TMEM132B: variants seen among roughly 807,000 people sequenced by gnomAD.
TMEM132B encodes transmembrane protein 132B.
Under a neutral mutation model 90.8 loss-of-function variants are expected in TMEM132B, and 18 were observed. The ratio of observed to expected loss-of-function variants is 0.20; its 90% CI spans 0.14 to 0.29. TMEM132B has a LOEUF of 0.29. TMEM132B is among the 10% of genes least tolerant of loss of function. The pLI is 1.00. For synonymous variants in TMEM132B, 504 were observed against 523.3 expected, an observed-to-expected ratio of 0.96 and a Z score of 0.50; for missense variants, 1,096 against 1,326.8, an observed-to-expected ratio of 0.83 and a Z score of 2.70.
chr12:125,499,263 T>C (rs1196167867), intron 3 of TMEM132B, among the ~76,000 whole-genome samples: 1 of 152,214 alleles, frequency 6.6e-6, no homozygotes, highest in Non-Finnish European at 1.5e-5. Context: ...GTTGACCAAA[T>C]TTAGTATTTC....
intron 1 of TMEM132B, among the ~76,000 whole-genome samples, chr12:125,188,262 G>T (rs867610281): frequency 1.8e-4 from 27 of 152,194 alleles, no homozygotes; most frequent in African/African-American, 5.6e-4. Context: ...GCTTGGCTAA[G>T]GAGCAGCTAT....
At chr12:125,534,800 G>A (rs1189820275) in intron 4 of TMEM132B, among the ~76,000 whole-genome samples, 1 of 152,062 alleles carries the variant, frequency 6.6e-6, no homozygotes, top group Non-Finnish European at 1.5e-5. Context: ...TTTAGAACCT[G>A]AAGCTATCCA....
At chr12:125,264,444 G>T (rs1170934489) in intron 1 of TMEM132B, among the ~76,000 whole-genome samples, 1 of 152,224 alleles carries the variant, frequency 6.6e-6, no homozygotes, top group Non-Finnish European at 1.5e-5. Context: ...GAAAAGGTAG[G>T]GTGTTCTGGA....
At position 125,277,090 on chromosome 12, in the gene TMEM132B, G is replaced by C. The variant is rs1875011872; in HGVS notation, c.68-72362G>C. Among the ~76,000 whole-genome samples, 2 of 152,302 alleles carry C rather than the reference G, an allele frequency of 1.3e-5. No homozygotes were observed. The highest frequency in any genetic ancestry group is 4.1e-4 in the South Asian group (2 of 4,820). ...CCTAACCACTAATACTTGTGAACAT[G>C]ACCTAGTTGGGAAAGAGTGTCTTTG... On this transcript the variant is annotated intron_variant, in intron 1 of 8. Transcript: ENST00000682704. The surrounding 1 kb of genome is among the most constrained non-coding windows in gnomAD (Gnocchi z 4.3).
intron 1 of TMEM132B, among the ~76,000 whole-genome samples, chr12:125,281,432 G>GA (rs1213386283): frequency 2.0e-5 from 3 of 152,226 alleles, no homozygotes; most frequent in Non-Finnish European, 2.9e-5. Flanking sequence ...GGATGTGGTG[G>GA]AAAAAAACCA....
chr12:125,340,118 T>C (rs1459130335), intron 1 of TMEM132B, among the ~76,000 whole-genome samples: 2 of 152,136 alleles, frequency 1.3e-5, no homozygotes. Flanking sequence ...CAAACACAGT[T>C]TGGAGAAAGT....
At chr12:125,316,295 AC>A (rs1167411085) in intron 1 of TMEM132B, among the ~76,000 whole-genome samples, 2 of 152,014 alleles carry the variant, frequency 1.3e-5, no homozygotes, top group Non-Finnish European at 2.9e-5. Flanking sequence ...CTGGCTTGAG[AC>A]CCCTTTGAGA....
intron 3 of TMEM132B, among the ~76,000 whole-genome samples, chr12:125,504,284 A>G (rs1168650944): frequency 6.6e-6 from 1 of 152,030 alleles, no homozygotes; most frequent in East Asian, 1.9e-4. Flanking sequence ...GCTTCTCCCA[A>G]CTCTGCTAAT....
intron 1 of TMEM132B, among the ~76,000 whole-genome samples, chr12:125,318,813 T>C (rs1165258158): frequency 1.3e-5 from 2 of 152,252 alleles, no homozygotes; most frequent in Admixed American, 1.3e-4. Flanking sequence ...TTTCTTAACT[T>C]GGATGGTTGG....
chr12:125,348,862 A>T (rs1381692203), intron 1 of TMEM132B, among the ~76,000 whole-genome samples: 2 of 152,224 alleles, frequency 1.3e-5, no homozygotes, highest in Non-Finnish European at 2.9e-5. Context: ...TGTGGTGAAC[A>T]TCCTTGTAGA....
intron 3 of TMEM132B, among the ~76,000 whole-genome samples, chr12:125,477,952 C>G (rs1881931998): frequency 6.6e-6 from 1 of 152,208 alleles, no homozygotes; most frequent in Non-Finnish European, 1.5e-5. Flanking sequence ...GCAGCCTCCA[C>G]TGTTGGTACC....
At chr12:125,243,804 A>G (rs1306180804) in intron 1 of TMEM132B, among the ~76,000 whole-genome samples, 2 of 152,026 alleles carry the variant, frequency 1.3e-5, no homozygotes, top group African/African-American at 4.8e-5. Flanking sequence ...GTAACCATGC[A>G]GTATTTGGTT....
intron 1 of TMEM132B, among the ~76,000 whole-genome samples, chr12:125,275,260 A>G (rs1231176560): frequency 6.6e-6 from 1 of 152,154 alleles, no homozygotes; most frequent in Non-Finnish European, 1.5e-5. Flanking sequence ...TTATTTAATC[A>G]TATTCTGTTA....
intron 1 of TMEM132B, among the ~76,000 whole-genome samples, chr12:125,253,372 ATT>A (rs1874357856): frequency 6.6e-6 from 1 of 151,414 alleles, no homozygotes; most frequent in Non-Finnish European, 1.5e-5. Context: ...AAGCCTATTT[ATT>A]GAGCACAGTG....
At chr12:125,497,948 A>G (rs2136587557) in intron 3 of TMEM132B, among the ~76,000 whole-genome samples, 1 of 152,290 alleles carries the variant, frequency 6.6e-6, no homozygotes, top group Non-Finnish European at 1.5e-5. Flanking sequence ...ATGCTTGATC[A>G]TGAGTTGGCA....
chr12:125,583,616 C>T (rs961388733), intron 4 of TMEM132B, among the ~76,000 whole-genome samples: 1 of 152,082 alleles, frequency 6.6e-6, no homozygotes, highest in African/African-American at 2.4e-5. Flanking sequence ...TGACCCTGCA[C>T]CTGGGGACTG....
chr12:125,523,578 G>A (rs1395475503), intron 4 of TMEM132B, among the ~76,000 whole-genome samples: 1 of 152,180 alleles, frequency 6.6e-6, no homozygotes, highest in African/African-American at 2.4e-5. Context: ...GGATTAGGAC[G>A]TGGACATCTC....
intron 1 of TMEM132B, among the ~76,000 whole-genome samples, chr12:125,307,750 A>T (rs1876013089): frequency 7.4e-6 from 1 of 135,916 alleles, no homozygotes; most frequent in Admixed American, 8.4e-5. Flanking sequence ...ATATAAGTAT[A>T]TATACTTATA....
chr12:125,494,732 T>A (rs909491734), intron 3 of TMEM132B, among the ~76,000 whole-genome samples: 4 of 97,184 alleles, frequency 4.1e-5, no homozygotes, highest in South Asian at 3.7e-4. Flanking sequence ...TCCCTGGAAA[T>A]GGATGCGTCC....
Sources: allele counts gnomAD v4.1 joint callset (sites outside exome capture counted in the v4.1 genomes callset), GRCh38; gene constraint gnomAD v4.1.1; non-coding constraint Gnocchi (gnomAD v3.1); transcripts MANE v1.5; gene names NCBI Gene and HGNC (gene_info 2026-07-23, HGNC 2026-07-21).